Variants in SNRPN observed in about 807,000 individuals in gnomAD.
The protein encoded by SNRPN is small nuclear ribonucleoprotein polypeptide N.
SNRPN carries 7 observed loss-of-function variants against 25.2 expected under a neutral mutation model. That is an observed-to-expected ratio of 0.28 (90% CI 0.16 to 0.52). SNRPN has a LOEUF of 0.52. Ranked by LOEUF, SNRPN falls within the 20% of genes least tolerant of loss-of-function variation. SNRPN has a pLI of 0.96. For synonymous variants in SNRPN, 124 were observed against 110.6 expected (o/e 1.12, Z -0.76); for missense variants, 196 against 322.5 (o/e 0.61, Z 3.00).
intron 2 of SNRPN, among the ~76,000 whole-genome samples, chr15:24,966,177 C>T (rs564637256): frequency 6.6e-6 from 1 of 152,072 alleles, no homozygotes; most frequent in African/African-American, 2.4e-5. Context: ...CCCACACTTC[C>T]GACCAACAGT....
At chr15:24,912,215 T>C (rs2059261701) in intron 2 of SNRPN, 1 of 152,204 alleles carries the variant, frequency 6.6e-6, no homozygotes, top group Non-Finnish European at 1.5e-5. Flanking sequence ...ATTCCTGGGC[T>C]CAAGAGATCC....
upstream of SNRPN, among the ~76,000 whole-genome samples, chr15:24,950,746 C>T (rs1323978204): frequency 1.3e-5 from 2 of 151,554 alleles, no homozygotes; most frequent in African/African-American, 4.8e-5. Flanking sequence ...ACGAGTCTTG[C>T]TATGTTGCCC....
chr15:24,945,604 G>A (rs1323490915), intron 3 of SNRPN, among the ~76,000 whole-genome samples: 10 of 152,208 alleles, frequency 6.6e-5, no homozygotes, highest in Admixed American at 5.2e-4. Flanking sequence ...TTTGCTGACC[G>A]TCAAGGGCTC....
chr15:24,869,230 A>G (rs1320978349), intron 1 of SNRPN, among the ~76,000 whole-genome samples: 1 of 152,212 alleles, frequency 6.6e-6, no homozygotes, highest in Non-Finnish European at 1.5e-5. Flanking sequence ...TTTATAAAAA[A>G]GAAACTTGTT....
intron 1 of SNRPN, among the ~76,000 whole-genome samples, chr15:24,875,547 G>T (rs548448353): frequency 6.6e-6 from 1 of 152,088 alleles, no homozygotes; most frequent in East Asian, 1.9e-4. Context: ...CTCCCCCACC[G>T]CAACAGAAGA....
At chr15:24,959,394 A>G (rs747787337) in intron 1 of SNRPN, among the ~76,000 whole-genome samples, 8 of 152,202 alleles carry the variant, frequency 5.3e-5, no homozygotes, top group Non-Finnish European at 8.8e-5. Context: ...TTGGAGGCCA[A>G]GGCAGAAGGA....
chr15:24,856,548 T>G (rs1180159985), upstream of SNRPN: 2 of 152,252 alleles, frequency 1.3e-5, no homozygotes, highest in African/African-American at 4.8e-5. Context: ...CCACATCCAC[T>G]GCAGCTGAGC....
chr15:24,853,340 T>C (rs780065258), upstream of SNRPN, among the ~76,000 whole-genome samples: 9 of 152,210 alleles, frequency 5.9e-5, 1 homozygote, highest in East Asian at 1.7e-3. Flanking sequence ...CTGTTGACAC[T>C]TCCTTCAACT....
chr15:24,977,284 A>G (rs2077167330), intron 7 of SNRPN, among the ~76,000 whole-genome samples: 1 of 152,168 alleles, frequency 6.6e-6, no homozygotes, highest in African/African-American at 2.4e-5. Flanking sequence ...ATGCATGGAT[A>G]TACCACAGTT....
intron 2 of SNRPN, among the ~76,000 whole-genome samples, chr15:24,842,116 A>C (rs1006706023): frequency 4.6e-5 from 7 of 152,110 alleles, no homozygotes; most frequent in Admixed American, 3.3e-4. Context: ...TGGGCTGAGT[A>C]CTGGGTGGTA....
intron 3 of SNRPN, among the ~76,000 whole-genome samples, chr15:24,947,989 C>T (rs1353519729): frequency 1.3e-5 from 2 of 151,870 alleles, no homozygotes; most frequent in African/African-American, 2.4e-5. Context: ...GGTACATGTG[C>T]ACAATGTGCA....
At chr15:24,966,137 C>T (rs1376155266) in intron 2 of SNRPN, among the ~76,000 whole-genome samples, 1 of 152,120 alleles carries the variant, frequency 6.6e-6, no homozygotes, top group East Asian at 1.9e-4. Flanking sequence ...AATGCAGACA[C>T]CAACTCCAAG....
chr15:24,928,358 A>C (rs2060558106), intron 3 of SNRPN, among the ~76,000 whole-genome samples: 1 of 152,170 alleles, frequency 6.6e-6, no homozygotes, highest in South Asian at 2.1e-4. Context: ...GGATTAAAAA[A>C]ATGTGGTGCA....
Position 24,974,353 on chromosome 15 carries a change from T to C in SNRPN, c.-101T>C, listed in dbSNP as rs1390594193. On this transcript the variant is annotated 5_prime_UTR_variant, in exon 4 of 10. Transcript: ENST00000390687. ...AAGCTTCTGCCCAGCTTGCATTGTTTCTAGGAGAACCTGCGTCATACCTTT... is the reference window on the plus strand; with the variant it reads ...AAGCTTCTGCCCAGCTTGCATTGTTCCTAGGAGAACCTGCGTCATACCTTT... 1.8e-6 allele frequency: 2 copies of C among 1,102,688 alleles called. No individual in the cohort carries two copies. The highest frequency in any genetic ancestry group is 2.3e-5 in the East Asian group (1 of 42,558). 68.3% of individuals were successfully genotyped at this position (1,102,688 alleles called of 1,614,324 possible).
At chr15:24,945,958 GA>G (rs1466926429) in intron 3 of SNRPN, among the ~76,000 whole-genome samples, 2 of 152,206 alleles carry the variant, frequency 1.3e-5, no homozygotes, top group African/African-American at 2.4e-5. Context: ...GCTTTGAGCA[GA>G]AAGGCCTGTT....
chr15:24,950,981 C>T (rs2062223442), upstream of SNRPN, among the ~76,000 whole-genome samples: 1 of 151,884 alleles, frequency 6.6e-6, no homozygotes, highest in Admixed American at 6.6e-5. Flanking sequence ...TAGTCTCAGT[C>T]CCAAGCAGCT....
At chr15:24,923,960 T>C in intron 3 of SNRPN, among the ~76,000 whole-genome samples, 1 of 126,804 alleles carries the variant, frequency 7.9e-6, no homozygotes, top group Non-Finnish European at 1.6e-5. Flanking sequence ...AGATGGAGTC[T>C]CACTCTGTCA....
intron 1 of SNRPN, among the ~76,000 whole-genome samples, chr15:24,824,229 C>CGTG (rs1408817197): frequency 1.3e-5 from 2 of 152,042 alleles, no homozygotes; most frequent in Admixed American, 1.3e-4. Flanking sequence ...GTTTAAATTA[C>CGTG]GTGGCTTAGT....
chr15:24,875,721 A>C (rs1219468946), intron 1 of SNRPN, among the ~76,000 whole-genome samples: 1 of 152,120 alleles, frequency 6.6e-6, no homozygotes, highest in East Asian at 1.9e-4. Context: ...GAGTTTGAGA[A>C]AGGCCTAGGC....
Sources: allele counts gnomAD v4.1 joint callset (sites outside exome capture counted in the v4.1 genomes callset), GRCh38; gene constraint gnomAD v4.1.1; transcripts MANE v1.5; gene names NCBI Gene and HGNC (gene_info 2026-07-23, HGNC 2026-07-21).